Variants in TTLL8 observed in about 807,000 individuals in gnomAD.
TTLL8 encodes tubulin tyrosine ligase like 8.
TTLL8 carries 65 observed loss-of-function variants against 77.8 expected under a neutral mutation model. The ratio of observed to expected loss-of-function variants is 0.84; its 90% CI spans 0.68 to 1.03. The LOEUF (loss-of-function observed/expected upper bound fraction) is 1.03, where lower values mean the gene tolerates loss of function less well. TTLL8 is among the 50% of genes least tolerant of loss of function. The pLI is 0.00. For missense variants in TTLL8, 910 were observed against 1,004.5 expected (o/e 0.91, Z 1.27); for synonymous variants, 402 against 422.8 (o/e 0.95, Z 0.60).
intron 4 of TTLL8, 52 bp from the exon 7 acceptor site, chr22:50,046,022 C>T: frequency 3.1e-6 from 4 of 1,302,296 alleles, no homozygotes; most frequent in Non-Finnish European, 4.0e-6. Flanking sequence ...CTCAGCTCTG[C>T]CTCGCTCACA....
intron 11 of TTLL8, among the ~76,000 whole-genome samples, chr22:50,031,445 G>T (rs1437778000): frequency 2.6e-5 from 4 of 152,326 alleles, no homozygotes; most frequent in African/African-American, 7.2e-5. Context: ...GAGCGGGGCC[G>T]CTCCGCCCGC....
intron 6 of TTLL8, among the ~76,000 whole-genome samples, chr22:50,042,289 T>C (rs1476468359): frequency 6.6e-6 from 1 of 152,202 alleles, no homozygotes; most frequent in Admixed American, 6.5e-5. Flanking sequence ...CTCTTGAAAC[T>C]CAACAATAAG....
chr22:50,033,572 G>T, intron 9 of TTLL8, 127 bp from the exon 11 acceptor site: 3 of 831,932 alleles, frequency 3.6e-6, no homozygotes, highest in Non-Finnish European at 3.4e-6. Context: ...AGGCCAGCAG[G>T]CAGCATGGTT....
At chr22:50,045,303 T>C in exon 6 of TTLL8, 2 of 1,363,570 alleles carry the variant, frequency 1.5e-6, no homozygotes, top group Non-Finnish European at 9.8e-7. Flanking sequence ...CTCTGGTCCC[T>C]GGGCTTGCTT....
At chr22:50,033,158 C>A (rs764928362) in intron 10 of TTLL8, 44 bp downstream of exon 11, 1 of 1,298,692 alleles carries the variant, frequency 7.7e-7, no homozygotes, top group Non-Finnish European at 1.0e-6. Context: ...CAGGCAGCAG[C>A]CCATTCCCTG....
chr22:50,019,903 A>C (rs1026497192), intron 12 of TTLL8, among the ~76,000 whole-genome samples: 11 of 152,212 alleles, frequency 7.2e-5, no homozygotes, highest in Admixed American at 3.9e-4. Context: ...CCGGAATTTT[A>C]TGCAGAGAAA....
chr22:50,046,655 T>G (rs1441077901), intron 4 of TTLL8, among the ~76,000 whole-genome samples: 3 of 152,216 alleles, frequency 2.0e-5, no homozygotes, highest in Non-Finnish European at 4.4e-5. Context: ...GCACCTGGCC[T>G]GCTGAGAGGG....
rs556251277 is a variant in TTLL8, at chr22:50,041,283, G to A, written c.831-6C>T. On this transcript the variant is annotated splice_region_variant and splice_polypyrimidine_tract_variant and intron_variant, in intron 7 of 13. Transcript: ENST00000266182. This position sits in a 1 kb window ranked among gnomAD's most constrained non-coding sequence, Gnocchi z 4.3. ...TGCTACTCCCCAAAGGCACCCTGAG[G>A]GGGTATCATCCTCTCAACAGTCATC... 2.0e-6 allele frequency: 1 copy of A among 507,720 alleles called. No homozygotes were observed. Among genetic ancestry groups the A allele is most frequent in the East Asian group, 6.0e-5 (1 of 16,728 alleles). The allele number at this position is 507,720 out of a possible 1,614,324, so 31.5% of individuals were successfully genotyped here. A position where few individuals can be genotyped will look rare whatever the true frequency, so the allele number is the denominator to read the frequency against.
Position 50,032,128 on chromosome 22 carries a change from G to T in TTLL8, c.1284-19C>A. 1 of 1,340,606 alleles carries T rather than the reference G, an allele frequency of 7.5e-7. No individual in the cohort carries two copies. The allele number at this position is 1,340,606 out of a possible 1,614,324, so 83.0% of individuals were successfully genotyped here. ...GATGGCGCTGCAGGGGGGACGAGGG[G>T]CAGGTGCTCAGCCTCCCTTGGCCCA... On this transcript the variant is annotated intron_variant, in intron 10 of 13. Transcript: ENST00000266182.
intron 6 of TTLL8, among the ~76,000 whole-genome samples, chr22:50,043,865 C>T (rs1039316821): frequency 2.0e-5 from 3 of 151,332 alleles, no homozygotes; most frequent in Non-Finnish European, 4.4e-5. Context: ...AGCTCGGGGG[C>T]GGGGGGATGA....
Position 50,041,819 on chromosome 22 carries a change from A to T in TTLL8, c.644-12T>A. The T allele has an allele frequency of 7.4e-7, 1 of 1,356,988 alleles. No homozygotes were observed. The highest frequency in any genetic ancestry group is 1.5e-5 in the African/African-American group (1 of 67,618). 84.1% of individuals were successfully genotyped at this position (1,356,988 alleles called of 1,614,324 possible). ...AGCATTTTCAGCATCTGAAACCCAG[A>T]CACAGGCACATGCAGTGGGAACCTC... On this transcript the variant is annotated splice_polypyrimidine_tract_variant and intron_variant, in intron 6 of 13. Coordinates refer to ENST00000266182, the Ensembl canonical transcript of TTLL8. This position sits in a 1 kb window ranked among gnomAD's most constrained non-coding sequence, Gnocchi z 4.3.
rs527453082 is a variant in TTLL8 at position 50,035,333 on chromosome 22, G to T, written c.922-871C>A. On this transcript the variant is annotated intron_variant, in intron 8 of 13. Coordinates refer to ENST00000266182, the Ensembl canonical transcript of TTLL8. ...GGTGGGGAAGCCCCTGAAGACACAG[G>T]ACATCGGGGTTCCATTCACACCTGC... Among the ~76,000 whole-genome samples the T allele has an allele frequency of 1.1e-4, 17 of 152,328 alleles. No individual in the cohort carries two copies. In the South Asian group the frequency reaches 3.5e-3, roughly 32 times the overall value.
intron 8 of TTLL8, among the ~76,000 whole-genome samples, chr22:50,038,242 T>C (rs2061349002): frequency 6.6e-6 from 1 of 152,028 alleles, no homozygotes; most frequent in Non-Finnish European, 1.5e-5. Context: ...TTTCACTTAA[T>C]TTTAATACTT....
intron 2 of TTLL8, 60 bp downstream of exon 4, chr22:50,050,049 C>G: frequency 1.5e-6 from 2 of 1,341,660 alleles, no homozygotes; most frequent in South Asian, 2.3e-5. Flanking sequence ...GGCGCCGACT[C>G]CTCCTGCCCG....
exon 12 of TTLL8, chr22:50,030,813 G>A: frequency 7.4e-7 from 1 of 1,348,836 alleles, no homozygotes. Context: ...GTCCAACAGC[G>A]AGGCCGAGGC....
chr22:50,034,419 G>A lies in TTLL8; in HGVS notation c.965C>T (p.Thr322Met), dbSNP rs750197121. 3.9e-5 allele frequency: 53 copies of A among 1,367,318 alleles called. No individual in the cohort carries two copies. Among genetic ancestry groups the A allele is most frequent in the East Asian group, 4.5e-5 (1 of 21,998 alleles). 84.7% of individuals were successfully genotyped at this position (1,367,318 alleles called of 1,614,324 possible). Residue 322 changes from threonine (T) to methionine (M), a missense_variant, in exon 9 of 14, where the codon ACG becomes ATG. Physicochemically the swap from Thr to Met is moderately conservative, Grantham distance 81. Around this residue, in one of 2 missense-constraint regions of TTLL8, gnomAD observed 776 missense variants for 926.1 expected, o/e 0.84. Coordinates refer to ENST00000266182, the Ensembl canonical transcript of TTLL8. This position sits in a 1 kb window ranked among gnomAD's most constrained non-coding sequence, Gnocchi z 4.1. ...GATGTTCCGGAGCCCGTCAATGTCC[G>A]TCTGAGGGTTCACAGACGTGATTCT...
At chr22:50,020,573 AACG>A (rs142928746) in intron 12 of TTLL8, among the ~76,000 whole-genome samples, 1 of 92,710 alleles carries the variant, frequency 1.1e-5, no homozygotes, top group Non-Finnish European at 2.3e-5. Context: ...TCCATCTGAC[AACG>A]TGCACTCCTC....
chr22:50,054,316 G>A (rs1169992928), intron 1 of TTLL8, among the ~76,000 whole-genome samples: 1 of 152,116 alleles, frequency 6.6e-6, no homozygotes, highest in East Asian at 1.9e-4. Context: ...GAACACGAGA[G>A]CCTTCCTTGT....
In TTLL8 at chr22:50,046,161, T is replaced by A. The variant is rs1230272738; in HGVS notation, c.394-191A>T. Among the ~76,000 whole-genome samples the A allele has an allele frequency of 3.3e-5, 5 of 152,142 alleles. No homozygotes were observed. The East Asian group carries it at 7.7e-4, about 24-fold the overall frequency. ...GCCCCAGAACACCCCCTCCAGCCGG[T>A]GGGAGCATGGATGTGCAGGCCAGGC... On this transcript the variant is annotated intron_variant, in intron 4 of 13. Transcript: ENST00000266182.
Sources: allele counts gnomAD v4.1 joint callset (sites outside exome capture counted in the v4.1 genomes callset), GRCh38; gene constraint gnomAD v4.1.1; regional missense constraint gnomAD v4.1.1; non-coding constraint Gnocchi (gnomAD v3.1); transcripts MANE v1.5; gene names NCBI Gene and HGNC (gene_info 2026-07-23, HGNC 2026-07-21).